TRIM55: variants seen among roughly 807,000 people sequenced by gnomAD.
TRIM55 encodes the protein tripartite motif containing 55, also known as tripartite motif-containing protein 55.
Under a neutral mutation model 60.9 loss-of-function variants are expected in TRIM55, and 50 were observed. The observed-to-expected ratio is 0.82, with a 90% CI of 0.65 to 1.04. The LOEUF is 1.04. Among genes scored for constraint, TRIM55 ranks in the 50% least tolerant of loss-of-function variants. The pLI is 0.00. For synonymous variants in TRIM55, 237 were observed against 238.1 expected (o/e 1.00, Z 0.04); for missense variants, 681 against 666.9 (o/e 1.02, Z -0.23).
intron 9 of TRIM55, among the ~76,000 whole-genome samples, chr8:66,168,631 A>G (rs1326460855): frequency 2.0e-5 from 3 of 152,154 alleles, no homozygotes; most frequent in East Asian, 1.9e-4. Context: ...ATGGGCAAAG[A>G]TTTCTTTAAA....
At chr8:66,174,396 A>G (rs1346953845) in intron 9 of TRIM55, 75 bp from the exon 10 acceptor site, 5 of 1,363,584 alleles carry the variant, frequency 3.7e-6, no homozygotes, top group Non-Finnish European at 5.0e-6. Flanking sequence ...CTTTCTCCTC[A>G]ATAGAAAAGT....
chr8:66,121,843 A>C, the TRIM55 span, among the ~76,000 whole-genome samples: 1 of 152,042 alleles, frequency 6.6e-6, no homozygotes, highest in Admixed American at 6.6e-5. Context: ...AATTTGTCTA[A>C]ATTTTTTCTT....
At chr8:66,146,610 A>G (rs1392998075) in intron 4 of TRIM55, among the ~76,000 whole-genome samples, 3 of 152,244 alleles carry the variant, frequency 2.0e-5, no homozygotes, top group African/African-American at 7.2e-5. Flanking sequence ...ATTTGGGAGA[A>G]ACAAGCTGGA....
At chr8:66,115,462 A>C in the TRIM55 span, among the ~76,000 whole-genome samples, 1 of 152,184 alleles carries the variant, frequency 6.6e-6, no homozygotes, top group Non-Finnish European at 1.5e-5. Context: ...TAGCTGGCTG[A>C]GGGGAGGAAC....
In TRIM55 at chr8:66,174,521, T is replaced by A; in HGVS notation, c.1575T>A (p.Ser525Arg). ...AGGGACAGGCTGCAGCTCCAGCGAGTGGCAGTGGAGCTGATTCTGAGCCAG... is the reference window on the plus strand; with the variant it reads ...AGGGACAGGCTGCAGCTCCAGCGAGAGGCAGTGGAGCTGATTCTGAGCCAG... ...PLQGQAAAPA[S>R]GSGADSEPAR... The change falls in exon 10 of 10, where the codon AGT becomes AGA. Residue 525 changes from serine (S) to arginine (R), a missense_variant. Transcript: ENST00000315962. 1 of 1,612,088 alleles carries A rather than the reference T, an allele frequency of 6.2e-7. No homozygotes were observed. Among genetic ancestry groups the A allele is most frequent in the Non-Finnish European group, 8.5e-7 (1 of 1,179,466 alleles).
chr8:66,128,356 G>C lies in TRIM55; in HGVS notation c.221G>C (p.Gly74Ala). The change falls in exon 2 of 10, where the codon GGC becomes GCC. Residue 74 changes from glycine (G) to alanine (A), a missense_variant. Gly to Ala is a moderately conservative substitution (Grantham distance 60). Coordinates refer to ENST00000315962, the MANE Select transcript of TRIM55 (RefSeq NM_184085.2). ...TRGGTTMASG[G>A]RFRCPSCRHE... Reference sequence around the variant, plus strand: ...GGAGGTACCACCATGGCATCAGGGGGCCGATTCCGCTGCCCATCCTGTAGA... The same window carrying C: ...GGAGGTACCACCATGGCATCAGGGGCCCGATTCCGCTGCCCATCCTGTAGA... 3 of 1,613,584 alleles carry C rather than the reference G, an allele frequency of 1.9e-6. No homozygotes were observed. Among genetic ancestry groups the C allele is most frequent in the Non-Finnish European group, 2.5e-6 (3 of 1,179,706 alleles).
Position 66,150,414 on chromosome 8 carries a change from A to T in TRIM55, c.933A>T (p.Thr311=). 4 of 1,614,222 alleles carry T rather than the reference A, an allele frequency of 2.5e-6. No individual in the cohort carries two copies. The highest frequency in any genetic ancestry group is 3.4e-6 in the Non-Finnish European group (4 of 1,180,012). The part of the protein sequence containing the change: ...EHGYENMNHF[T]VNLNREEKII... ...GCTATGAGAACATGAACCACTTCAC[A>T]GTCAACCTCAATAGAGAAGAAAAGA... is the stretch of plus-strand genomic sequence containing the variant. The change falls in exon 7 of 10, where the codon ACA becomes ACT. Residue 311 remains threonine, a synonymous_variant. Transcript: ENST00000315962.
chr8:66,140,117 T>C lies in TRIM55; in HGVS notation c.603+2927T>C, dbSNP rs2128976435. Among the ~76,000 whole-genome samples the C allele has an allele frequency of 2.0e-5, 3 of 152,348 alleles. No individual in the cohort carries two copies. In the South Asian group the frequency reaches 6.2e-4, roughly 32 times the overall value. ...TACAACCTAAGTGGGCAGTAGGCTC[T>C]GCCATGTAGGTTTGTGTAAGTACAT... On this transcript the variant is annotated intron_variant, in intron 4 of 9. Transcript: ENST00000315962.
upstream of TRIM55, among the ~76,000 whole-genome samples, chr8:66,122,602 G>A (rs918589096): frequency 2.6e-5 from 4 of 152,240 alleles, no homozygotes; most frequent in Non-Finnish European, 5.9e-5. Flanking sequence ...GGTTCACAAG[G>A]TAAACCAAAA....
intron 2 of TRIM55, among the ~76,000 whole-genome samples, chr8:66,131,407 G>T (rs1809151065): frequency 1.3e-5 from 2 of 152,134 alleles, no homozygotes; most frequent in Non-Finnish European, 1.5e-5. Context: ...CCAATGACAT[G>T]TGCATACTAC....
At chr8:66,136,960 C>T (rs1034127362) in intron 3 of TRIM55, 135 bp from the exon 4 acceptor site, 8 of 619,548 alleles carry the variant, frequency 1.3e-5, no homozygotes, top group Non-Finnish European at 2.7e-6. Context: ...AGAAGGTCCA[C>T]AGGCCTCCCT....
chr8:66,113,636 G>A, the TRIM55 span: 3 of 454,792 alleles, frequency 6.6e-6, no homozygotes, highest in Admixed American at 2.4e-5. Context: ...GAACGTGTCC[G>A]GGCAGGTTCC....
chr8:66,151,749 C>G (rs1470059145), intron 7 of TRIM55, among the ~76,000 whole-genome samples: 2 of 151,948 alleles, frequency 1.3e-5, no homozygotes, highest in African/African-American at 4.8e-5. Flanking sequence ...GAGGCAGAGG[C>G]AGGAGAATCA....
intron 7 of TRIM55, among the ~76,000 whole-genome samples, 190 bp downstream of exon 7, chr8:66,150,656 C>T (rs973172134): frequency 6.0e-5 from 9 of 150,880 alleles, no homozygotes; most frequent in African/African-American, 2.2e-4. Context: ...GTTTATTTAG[C>T]TTTGCACATA....
At chr8:66,124,685 C>G (rs548423261), upstream of TRIM55, among the ~76,000 whole-genome samples, 1 of 152,358 alleles carries the variant, frequency 6.6e-6, no homozygotes, top group South Asian at 2.1e-4. Flanking sequence ...GGAACTGCGT[C>G]AGGCAAACCT....
rs559319770 is a variant in TRIM55, at chr8:66,167,255, A to G, written c.1525-7216A>G. ...CTCATCTATAACTGATAGTAATACT[A>G]TCGACCTCCCATGGTTCTTAAGGAC... On this transcript the variant is annotated intron_variant, in intron 9 of 9. Coordinates refer to ENST00000315962, the MANE Select transcript of TRIM55 (RefSeq NM_184085.2). Among the ~76,000 whole-genome samples the G allele has an allele frequency of 2.6e-5, 4 of 152,318 alleles. 1 individual carries two copies. Among genetic ancestry groups the G allele is most frequent in the African/African-American group, 7.2e-5 (3 of 41,568 alleles).
intron 4 of TRIM55, among the ~76,000 whole-genome samples, chr8:66,147,249 T>C (rs1810141528): frequency 6.6e-6 from 1 of 152,204 alleles, no homozygotes; most frequent in African/African-American, 2.4e-5. Flanking sequence ...GTTAAATCCA[T>C]GAATGAATGG....
At chr8:66,145,552 G>A (rs1202521361) in intron 4 of TRIM55, among the ~76,000 whole-genome samples, 4 of 152,258 alleles carry the variant, frequency 2.6e-5, no homozygotes, top group Non-Finnish European at 2.9e-5. Flanking sequence ...CAGGTACAAA[G>A]TCAGTGGTTG....
intron 9 of TRIM55, among the ~76,000 whole-genome samples, chr8:66,157,286 G>T (rs922240807): frequency 1.3e-5 from 2 of 152,072 alleles, no homozygotes; most frequent in Admixed American, 6.5e-5. Context: ...TATAGTTCTT[G>T]GTGTTTGAGG....
Sources: gnomAD v4.1 joint callset for allele counts (sites outside exome capture counted in the v4.1 genomes callset) on GRCh38, gnomAD v4.1.1 for gene constraint, MANE v1.5 for transcripts, NCBI Gene and HGNC (gene_info 2026-07-23, HGNC 2026-07-21) for gene names.